Variants in CHRM5 observed in about 807,000 individuals in gnomAD.
CHRM5 encodes cholinergic receptor muscarinic 5.
In CHRM5, 18 loss-of-function variants were observed where a neutral mutation model predicts 39.0. The ratio of observed to expected loss-of-function variants is 0.46; its 90% CI spans 0.32 to 0.68. CHRM5 has a LOEUF of 0.68. CHRM5 is among the 30% of genes least tolerant of loss of function. The pLI, the probability that CHRM5 is intolerant of heterozygous loss-of-function variation, is 0.04. For synonymous variants in CHRM5, 241 were observed against 246.3 expected (o/e 0.98, Z 0.20); for missense variants, 515 against 651.1 (o/e 0.79, Z 2.28).
At chr15:34,039,375 A>C (rs1332777718) in intron 1 of CHRM5, among the ~76,000 whole-genome samples, 1 of 137,702 alleles carries the variant, frequency 7.3e-6, no homozygotes, top group Non-Finnish European at 1.6e-5. Context: ...TGCAAGGACG[A>C]GTCATAAAAT....
chr15:33,986,199 C>T (rs547166080), intron 1 of CHRM5, among the ~76,000 whole-genome samples: 21 of 152,010 alleles, frequency 1.4e-4, no homozygotes, highest in Middle Eastern at 3.4e-3. Context: ...CTCTGCCTCC[C>T]GGGTTCACGC....
intron 1 of CHRM5, among the ~76,000 whole-genome samples, chr15:34,000,450 C>T (rs749055985): frequency 2.0e-5 from 3 of 152,144 alleles, no homozygotes; most frequent in Non-Finnish European, 1.5e-5. Context: ...GCAGAGATGA[C>T]GAACACCAGG....
At chr15:34,055,069 G>A (rs1488448931) in intron 2 of CHRM5, among the ~76,000 whole-genome samples, 4 of 151,884 alleles carry the variant, frequency 2.6e-5, no homozygotes, top group Admixed American at 2.0e-4. Context: ...GCACATGCCT[G>A]TAATCCCAGC....
In CHRM5 at chr15:34,062,794, G is replaced by T. The variant is rs1900389096; in HGVS notation, c.77G>T (p.Arg26Met). 1 of 1,614,094 alleles carries T rather than the reference G, an allele frequency of 6.2e-7. No homozygotes were observed. Residue 26 changes from arginine (R) to methionine (M), a missense_variant, in exon 3 of 3, where the codon AGG becomes ATG. By Grantham distance (91) the Arg-to-Met change is moderately conservative. Coordinates refer to ENST00000383263, the MANE Select transcript of CHRM5 (RefSeq NM_012125.4). Reference protein sequence around the residue: ...PVNHQPLERHRLWEVITIAAV... With the variant: ...PVNHQPLERHMLWEVITIAAV... ...AATCACCAGCCTTTGGAACGCCACA[G>T]GTTGTGGGAAGTCATCACCATTGCA...
At chr15:34,060,598 G>A (rs945695371) in intron 2 of CHRM5, among the ~76,000 whole-genome samples, 1 of 152,122 alleles carries the variant, frequency 6.6e-6, no homozygotes, top group Admixed American at 6.5e-5. Flanking sequence ...GATTTTCACC[G>A]GGCACGGTGG....
At chr15:33,989,662 C>T (rs936364285) in intron 1 of CHRM5, among the ~76,000 whole-genome samples, 5 of 152,006 alleles carry the variant, frequency 3.3e-5, no homozygotes, top group African/African-American at 1.2e-4. Flanking sequence ...TTTAGAAGAG[C>T]TTCTACCCTG....
At chr15:34,036,870 G>A (rs1170172619) in intron 1 of CHRM5, among the ~76,000 whole-genome samples, 2 of 152,172 alleles carry the variant, frequency 1.3e-5, no homozygotes, top group African/African-American at 4.8e-5. Flanking sequence ...AGCACCTTGG[G>A]AGGCCGAGGC....
intron 1 of CHRM5, among the ~76,000 whole-genome samples, chr15:34,005,021 G>C (rs1897284722): frequency 6.6e-6 from 1 of 151,930 alleles, no homozygotes; most frequent in Non-Finnish European, 1.5e-5. Flanking sequence ...ATATGCACTG[G>C]AGAAAATTAG....
chr15:33,982,450 A>C (rs904652732), intron 1 of CHRM5, among the ~76,000 whole-genome samples: 11 of 152,276 alleles, frequency 7.2e-5, no homozygotes, highest in Admixed American at 5.2e-4. Flanking sequence ...ATTTCTGATA[A>C]TACTACTAAA....
chr15:34,027,948 T>C (rs1419241343), intron 1 of CHRM5, among the ~76,000 whole-genome samples: 1 of 152,164 alleles, frequency 6.6e-6, no homozygotes, highest in Non-Finnish European at 1.5e-5. Context: ...TGTCCAAGGC[T>C]GTGGTCATGC....
intron 2 of CHRM5, among the ~76,000 whole-genome samples, chr15:34,056,151 G>C (rs1900140402): frequency 6.6e-6 from 1 of 152,226 alleles, no homozygotes; most frequent in Admixed American, 6.5e-5. Flanking sequence ...ATAGAAGAAA[G>C]TTGAGGGCTA....
At chr15:33,970,546 T>G (rs1450832353) in intron 1 of CHRM5, among the ~76,000 whole-genome samples, 1 of 151,996 alleles carries the variant, frequency 6.6e-6, no homozygotes, top group Admixed American at 6.6e-5. Context: ...GCTGAACCCT[T>G]AAGGGTTCTT....
At position 34,063,358 on chromosome 15, in the gene CHRM5, G is replaced by A. The variant is rs773138215; in HGVS notation, c.641G>A (p.Cys214Tyr). The change falls in exon 3 of 3, where the codon TGT becomes TAT. Residue 214 changes from cysteine to tyrosine, a missense_variant. Physicochemically the swap from Cys to Tyr is radical, Grantham distance 194. Transcript: ENST00000383263. The surrounding 1 kb of genome is among the most constrained non-coding windows in gnomAD (Gnocchi z 4.1). Reference sequence around the variant, plus strand: ...GTTTCTGTCATGACCATCCTCTACTGTCGAATCTACCGGGAAACAGAGAAG... The same window carrying A: ...GTTTCTGTCATGACCATCCTCTACTATCGAATCTACCGGGAAACAGAGAAG... Reference protein sequence around the residue: ...IPVSVMTILYCRIYRETEKRT... With the variant: ...IPVSVMTILYYRIYRETEKRT... The A allele has an allele frequency of 1.9e-6, 3 of 1,614,086 alleles. No individual in the cohort carries two copies. The highest frequency in any genetic ancestry group is 4.5e-5 in the East Asian group (2 of 44,880).
chr15:34,053,860 G>A (rs578121305), intron 2 of CHRM5, among the ~76,000 whole-genome samples: 136 of 152,198 alleles, frequency 8.9e-4, no homozygotes, highest in Admixed American at 1.4e-3. Context: ...CCTCTGCACA[G>A]CAAAAGAAAC....
At chr15:34,053,482 C>T (rs1900020614) in intron 2 of CHRM5, among the ~76,000 whole-genome samples, 1 of 151,402 alleles carries the variant, frequency 6.6e-6, no homozygotes, top group African/African-American at 2.4e-5. Context: ...AAAATAGACA[C>T]GTAGGCCAAT....
chr15:34,001,880 C>A (rs1483500690), intron 1 of CHRM5, among the ~76,000 whole-genome samples: 1 of 152,174 alleles, frequency 6.6e-6, no homozygotes, highest in African/African-American at 2.4e-5. Flanking sequence ...TAAACAGCAA[C>A]ATCAAAGTCA....
chr15:33,993,026 G>A (rs1050579124), intron 1 of CHRM5, among the ~76,000 whole-genome samples: 5 of 151,988 alleles, frequency 3.3e-5, no homozygotes, highest in African/African-American at 4.8e-5. Context: ...TTTTCCCCAC[G>A]TTTTCTTCAA....
At chr15:33,974,375 G>C (rs1300644548) in intron 1 of CHRM5, among the ~76,000 whole-genome samples, 1 of 152,126 alleles carries the variant, frequency 6.6e-6, no homozygotes, top group Non-Finnish European at 1.5e-5. Flanking sequence ...ATGAATCTTT[G>C]CAAGTTACCT....
At chr15:33,996,648 G>A (rs1272580430) in intron 1 of CHRM5, among the ~76,000 whole-genome samples, 6 of 152,184 alleles carry the variant, frequency 3.9e-5, no homozygotes, top group African/African-American at 1.4e-4. Flanking sequence ...AAACAGAAAG[G>A]AATAGCATCA....
Sources: gnomAD v4.1 joint callset for allele counts (sites outside exome capture counted in the v4.1 genomes callset) on GRCh38, gnomAD v4.1.1 for gene constraint, Gnocchi (gnomAD v3.1) non-coding constraint, MANE v1.5 for transcripts, NCBI Gene and HGNC (gene_info 2026-07-23, HGNC 2026-07-21) for gene names.